Variants in LHFPL3 observed in about 807,000 individuals in gnomAD.
The protein encoded by LHFPL3 is LHFPL tetraspan subfamily member 3.
LHFPL3 carries 5 observed loss-of-function variants against 19.3 expected under a neutral mutation model. The observed-to-expected ratio is 0.26, with a 90% CI of 0.14 to 0.54. The LOEUF (loss-of-function observed/expected upper bound fraction) is 0.54. LHFPL3 is among the 20% of genes least tolerant of loss of function. The pLI, the probability that LHFPL3 is intolerant of heterozygous loss-of-function variation, is 0.94. For missense variants in LHFPL3, 249 were observed against 307.4 expected (o/e 0.81, Z 1.42); for synonymous variants, 133 against 126.2 (o/e 1.05, Z -0.36).
chr7:104,746,486 G>C (rs569322409), intron 2 of LHFPL3, among the ~76,000 whole-genome samples: 1 of 152,268 alleles, frequency 6.6e-6, no homozygotes, highest in South Asian at 2.1e-4. Flanking sequence ...AAGGCGCAGA[G>C]AGAGGAAATG....
chr7:104,474,479 A>G (rs1388463965), intron 1 of LHFPL3, among the ~76,000 whole-genome samples: 2 of 152,096 alleles, frequency 1.3e-5, no homozygotes, highest in Non-Finnish European at 2.9e-5. Flanking sequence ...CCTGGCTAAC[A>G]TAGTGAAACC....
intron 1 of LHFPL3, among the ~76,000 whole-genome samples, chr7:104,410,349 T>C (rs1048511681): frequency 6.6e-6 from 1 of 152,276 alleles, no homozygotes; most frequent in East Asian, 1.9e-4. Flanking sequence ...GACAGGCTGG[T>C]CTCGAATTCC....
chr7:104,884,073 G>A (rs1792102453), intron 2 of LHFPL3, among the ~76,000 whole-genome samples: 1 of 152,120 alleles, frequency 6.6e-6, no homozygotes, highest in Non-Finnish European at 1.5e-5. Flanking sequence ...CCCAAACAGA[G>A]ATAATAAGAA....
At chr7:104,843,173 C>G (rs1791247111) in intron 2 of LHFPL3, among the ~76,000 whole-genome samples, 1 of 152,222 alleles carries the variant, frequency 6.6e-6, no homozygotes, top group African/African-American at 2.4e-5. Context: ...GGCCCAGACT[C>G]TGGGAGCCTG....
intron 1 of LHFPL3, among the ~76,000 whole-genome samples, chr7:104,665,525 G>A (rs1554421948): frequency 6.6e-6 from 1 of 152,102 alleles, no homozygotes; most frequent in Non-Finnish European, 1.5e-5. Flanking sequence ...ACTCCTCTGT[G>A]TGCATAACGC....
intron 1 of LHFPL3, among the ~76,000 whole-genome samples, chr7:104,555,451 G>A (rs886368775): frequency 6.6e-6 from 1 of 152,172 alleles, no homozygotes; most frequent in Non-Finnish European, 1.5e-5. Context: ...TTACATGGAT[G>A]GCGGCAGGCA....
At chr7:104,369,606 A>T (rs1790572346) in intron 1 of LHFPL3, among the ~76,000 whole-genome samples, 1 of 152,168 alleles carries the variant, frequency 6.6e-6, no homozygotes, top group African/African-American at 2.4e-5. Flanking sequence ...AAACTCCTAA[A>T]CTATTTTCTG....
At chr7:104,880,131 G>T (rs1455359473) in intron 2 of LHFPL3, among the ~76,000 whole-genome samples, 1 of 152,162 alleles carries the variant, frequency 6.6e-6, no homozygotes, top group Admixed American at 6.5e-5. Context: ...GTGATTCCCA[G>T]TGTTGGAGGT....
At chr7:104,635,068 G>T (rs1296053193) in intron 1 of LHFPL3, among the ~76,000 whole-genome samples, 1 of 151,972 alleles carries the variant, frequency 6.6e-6, no homozygotes, top group East Asian at 1.9e-4. Flanking sequence ...AACAATTAAA[G>T]AATATGTAAA....
At chr7:104,614,676 C>CTTCCTTCCTTCCTTCCTTCT (rs1791290575) in intron 1 of LHFPL3, among the ~76,000 whole-genome samples, 1 of 97,446 alleles carries the variant, frequency 1.0e-5, no homozygotes. Context: ...TCCTTCCTTC[C>CTTCCTTCCTTCCTTCCTTCT]TTCCTTCTTT....
intron 1 of LHFPL3, chr7:104,669,699 T>A (rs1315126389): frequency 6.4e-6 from 7 of 1,087,604 alleles, no homozygotes; most frequent in Non-Finnish European, 9.2e-6. Context: ...CTTTCTTACC[T>A]TTTTTTTAAA....
intron 1 of LHFPL3, among the ~76,000 whole-genome samples, chr7:104,665,926 T>G (rs1274357418): frequency 6.6e-6 from 1 of 152,202 alleles, no homozygotes; most frequent in South Asian, 2.1e-4. Flanking sequence ...TACGCAGTGT[T>G]CTCCCCCTGG....
chr7:104,408,933 C>T (rs1296192612), intron 1 of LHFPL3, among the ~76,000 whole-genome samples: 7 of 137,836 alleles, frequency 5.1e-5, no homozygotes, highest in Middle Eastern at 4.1e-3. Context: ...GGCGCGATCT[C>T]GTCTCACTGC....
intron 2 of LHFPL3, among the ~76,000 whole-genome samples, chr7:104,817,353 T>G (rs4532541): frequency 0.34 from 51,537 of 151,770 alleles, 9,373 homozygotes; most frequent in South Asian, 0.44. Context: ...TCCCTTTTTC[T>G]CCTCATCTAA....
chr7:104,344,662 C>T (rs1047237743), intron 1 of LHFPL3, among the ~76,000 whole-genome samples: 1 of 152,158 alleles, frequency 6.6e-6, no homozygotes, highest in African/African-American at 2.4e-5. Flanking sequence ...TTTAGCCACA[C>T]ATTAATTGAT....
At chr7:104,630,480 A>G (rs1223120881) in intron 1 of LHFPL3, among the ~76,000 whole-genome samples, 1 of 152,170 alleles carries the variant, frequency 6.6e-6, no homozygotes, top group Non-Finnish European at 1.5e-5. Flanking sequence ...AAAAATATGA[A>G]AAGTGGGATT....
At chr7:104,470,143 T>C (rs1383852528) in intron 1 of LHFPL3, 4 of 450,892 alleles carry the variant, frequency 8.9e-6, no homozygotes, top group East Asian at 7.0e-5. Flanking sequence ...ATGGGTGTTG[T>C]TGGGGATTCT....
chr7:104,423,091 G>A lies in LHFPL3; in HGVS notation c.445+93867G>A, dbSNP rs115465557. Among the ~76,000 whole-genome samples the A allele has an allele frequency of 3.7e-3, 568 of 152,236 alleles. 6 individuals carry two copies. Among genetic ancestry groups the A allele is most frequent in the African/African-American group, 0.013 (549 of 41,542 alleles). The stretch of plus-strand genomic sequence containing the variant: ...GAAGAGAGAAAATAAATTACAGAGT[G>A]CATAAGGTCAGTGTGTCAGGAGGTG... On this transcript the variant is annotated intron_variant, in intron 1 of 2. Coordinates refer to ENST00000424859, the MANE Select transcript of LHFPL3 (RefSeq NM_199000.3).
intron 1 of LHFPL3, among the ~76,000 whole-genome samples, chr7:104,409,943 T>C (rs184535732): frequency 1.4e-4 from 22 of 152,184 alleles, no homozygotes; most frequent in African/African-American, 5.1e-4. Context: ...CACGAGATTG[T>C]TACCCAGATG....
Sources: allele counts gnomAD v4.1 joint callset (sites outside exome capture counted in the v4.1 genomes callset), GRCh38; gene constraint gnomAD v4.1.1; transcripts MANE v1.5; gene names NCBI Gene and HGNC (gene_info 2026-07-23, HGNC 2026-07-21).